The following CDKL3 variants were observed in gnomAD, a reference collection of about 807,000 sequenced individuals.
The protein encoded by CDKL3 is cyclin dependent kinase like 3.
CDKL3 carries 65 observed loss-of-function variants against 69.3 expected under a neutral mutation model. The observed-to-expected ratio is 0.94, with a 90% CI of 0.77 to 1.15. CDKL3 has a LOEUF of 1.15. Ranked by LOEUF, CDKL3 falls within the 50% of genes most tolerant of loss-of-function variation. CDKL3 has a pLI of 0.00. For synonymous variants in CDKL3, 202 were observed against 221.6 expected (o/e 0.91, Z 0.79); for missense variants, 652 against 689.2 (o/e 0.95, Z 0.61).
intron 4 of CDKL3, among the ~76,000 whole-genome samples, chr5:134,329,363 A>G (rs1775173709): frequency 6.6e-6 from 1 of 152,100 alleles, no homozygotes; most frequent in African/African-American, 2.4e-5. Flanking sequence ...CCACATGAAA[A>G]AACAAAGAGC....
chr5:134,287,712 C>G (rs554199246), intron 8 of CDKL3, among the ~76,000 whole-genome samples: 34 of 152,290 alleles, frequency 2.2e-4, no homozygotes, highest in African/African-American at 7.9e-4. Context: ...TAGTCCCTCA[C>G]TTGCACAGGC....
In CDKL3 at chr5:134,306,664, T is replaced by C. The variant is rs777278162; in HGVS notation, c.1403A>G (p.Gln468Arg). The C allele has an allele frequency of 4.4e-6, 7 of 1,578,710 alleles. No homozygotes were observed. The highest frequency in any genetic ancestry group is 5.1e-6 in the Non-Finnish European group (6 of 1,169,210). ...ATTAGGCATAACTTGTCCAATAGAT[T>C]GTGAAGAAGTGCGTCTCTTTTTTGC... ...ERAKKRRTSS[Q>R]SIGQVMPNSR... The change falls in exon 10 of 13, where the codon CAA becomes CGA. Residue 468 changes from glutamine to arginine, a missense_variant. Gln to Arg is a conservative substitution (Grantham distance 43). Transcript: ENST00000265334.
chr5:134,347,461 C>T (rs1752191175), intron 4 of CDKL3, among the ~76,000 whole-genome samples: 2 of 152,032 alleles, frequency 1.3e-5, no homozygotes, highest in South Asian at 4.1e-4. Flanking sequence ...ACACCCATAG[C>T]AGCATTACCC....
At chr5:134,325,977 C>T (rs897638499) in intron 4 of CDKL3, among the ~76,000 whole-genome samples, 3 of 146,100 alleles carry the variant, frequency 2.1e-5, no homozygotes, top group African/African-American at 5.1e-5. Flanking sequence ...GGGGTTTCAC[C>T]GTGTTAGCCA....
At chr5:134,319,313 G>T in intron 6 of CDKL3, 45 bp downstream of exon 6, 2 of 1,442,928 alleles carry the variant, frequency 1.4e-6, no homozygotes, top group South Asian at 2.8e-5. Flanking sequence ...CTGGGCGACA[G>T]AGCAAGACTC....
upstream of CDKL3, among the ~76,000 whole-genome samples, chr5:134,369,777 G>T (rs1351960129): frequency 6.6e-6 from 1 of 152,018 alleles, no homozygotes; most frequent in Non-Finnish European, 1.5e-5. Flanking sequence ...ATGTTGCCCA[G>T]GCTGGTCTTC....
chr5:134,320,567 G>A (rs1772447963), intron 5 of CDKL3, among the ~76,000 whole-genome samples: 1 of 151,866 alleles, frequency 6.6e-6, no homozygotes, highest in African/African-American at 2.4e-5. Context: ...GACAAAGTGA[G>A]ACCCTGTCTC....
intron 4 of CDKL3, among the ~76,000 whole-genome samples, chr5:134,336,051 C>T (rs1777029062): frequency 6.6e-6 from 1 of 152,120 alleles, no homozygotes; most frequent in Admixed American, 6.6e-5. Context: ...ATCTTGTCTT[C>T]TCGCTTTATT....
intron 8 of CDKL3, among the ~76,000 whole-genome samples, chr5:134,288,918 T>A: frequency 6.6e-6 from 1 of 151,132 alleles, no homozygotes. Flanking sequence ...TGACTTTAAA[T>A]AAAAATGGAA....
upstream of CDKL3, among the ~76,000 whole-genome samples, chr5:134,368,587 C>T (rs1055002429): frequency 1.3e-4 from 18 of 135,438 alleles, no homozygotes; most frequent in East Asian, 4.1e-3. Context: ...CCACTACATT[C>T]CAGCCTGGGT....
upstream of CDKL3, among the ~76,000 whole-genome samples, chr5:134,370,824 A>C (rs1053746383): frequency 1.8e-4 from 27 of 152,332 alleles, no homozygotes; most frequent in African/African-American, 6.3e-4. Flanking sequence ...AGAGTTAATA[A>C]GCCACTGAAC....
chr5:134,350,820 A>ATATTGGCCAGGTGTGGTGGTTGATTGAGG (rs1753073175), intron 3 of CDKL3, among the ~76,000 whole-genome samples: 1 of 144,822 alleles, frequency 6.9e-6, no homozygotes, highest in Non-Finnish European at 1.5e-5. Context: ...TCTCTAAAAA[A>ATATTGGCCAGGTGTGGTGGTTGATTGAGG]AGAAAAAAAA....
At chr5:134,293,806 A>G (rs529781057), downstream of CDKL3, among the ~76,000 whole-genome samples, 570 of 152,086 alleles carry the variant, frequency 3.7e-3, 1 homozygote, top group Middle Eastern at 0.024. Context: ...TCTCTACAAA[A>G]AAAAATTTTT....
intron 4 of CDKL3, among the ~76,000 whole-genome samples, chr5:134,326,145 C>T (rs1458092391): frequency 6.6e-6 from 1 of 152,074 alleles, no homozygotes; most frequent in Non-Finnish European, 1.5e-5. Flanking sequence ...CCAAAAGAGA[C>T]ACTAAAAATA....
downstream of CDKL3, among the ~76,000 whole-genome samples, chr5:134,285,409 G>C (rs1393844618): frequency 6.6e-6 from 1 of 152,236 alleles, no homozygotes; most frequent in South Asian, 2.1e-4. Context: ...ACACTACAGG[G>C]AAGCTGCCAA....
At chr5:134,296,204 GACAATTATTTAA>G (rs1765340652), downstream of CDKL3, among the ~76,000 whole-genome samples, 1 of 152,118 alleles carries the variant, frequency 6.6e-6, no homozygotes, top group Non-Finnish European at 1.5e-5. Flanking sequence ...GCTGAGTGCT[GACAATTATTTAA>G]GAGAATATGT....
chr5:134,365,323 T>C (rs1757154211), intron 2 of CDKL3, among the ~76,000 whole-genome samples: 1 of 151,942 alleles, frequency 6.6e-6, no homozygotes, highest in South Asian at 2.1e-4. Flanking sequence ...TTTCACTATG[T>C]TGTCCAGGAC....
chr5:134,368,184 T>C (rs1422041105), upstream of CDKL3, among the ~76,000 whole-genome samples: 1 of 152,194 alleles, frequency 6.6e-6, no homozygotes, highest in African/African-American at 2.4e-5. Context: ...GAGCACCTGA[T>C]TTAATTGGGA....
In CDKL3 at chr5:134,308,632, TTCC is replaced by T; in HGVS notation, c.974_976del (p.Arg325del). ...GGTATAAACTGTTTTTCTTTCATCT[TTCC>T]TGAGTTCATTTTCTTTAGAACTCTC... is the stretch of plus-strand genomic sequence containing the variant. On this transcript the variant is annotated inframe_deletion, in exon 8 of 13. Coordinates refer to ENST00000265334, the MANE Select transcript of CDKL3 (RefSeq NM_001113575.2). The T allele has an allele frequency of 6.2e-7, 1 of 1,609,290 alleles. No individual in the cohort carries two copies. The highest frequency in any genetic ancestry group is 8.5e-7 in the Non-Finnish European group (1 of 1,178,756).
Sources: allele counts gnomAD v4.1 joint callset (sites outside exome capture counted in the v4.1 genomes callset), GRCh38; gene constraint gnomAD v4.1.1; transcripts MANE v1.5; gene names NCBI Gene and HGNC (gene_info 2026-07-23, HGNC 2026-07-21).